RAB38: variants seen among roughly 807,000 people sequenced by gnomAD.
RAB38 encodes the protein RAB38, member RAS oncogene family, also known as ras-related protein Rab-38.
RAB38 carries 15 observed loss-of-function variants against 18.4 expected under a neutral mutation model. The observed-to-expected ratio is 0.82, with a 90% CI of 0.55 to 1.26. The LOEUF (loss-of-function observed/expected upper bound fraction) is 1.26, where lower values mean the gene tolerates loss of function less well. Among genes scored for constraint, RAB38 ranks in the 50% most tolerant of loss-of-function variants. RAB38 has a pLI of 0.00. For synonymous variants in RAB38, 101 were observed against 104.4 expected, an observed-to-expected ratio of 0.97 and a Z score of 0.20; for missense variants, 294 against 267.4, an observed-to-expected ratio of 1.10 and a Z score of -0.69.
At chr11:88,174,993 A>G (rs1943365625) in intron 1 of RAB38, among the ~76,000 whole-genome samples, 190 bp downstream of exon 1, 2 of 152,242 alleles carry the variant, frequency 1.3e-5, no homozygotes, top group Non-Finnish European at 2.9e-5. Flanking sequence ...AATAGCCCAA[A>G]AGCGCCAGGG....
the RAB38 span, among the ~76,000 whole-genome samples, chr11:87,843,943 A>G: frequency 6.6e-6 from 1 of 152,188 alleles, no homozygotes; most frequent in Non-Finnish European, 1.5e-5. Flanking sequence ...AAAAAACTAG[A>G]CAATCCTGGA....
the RAB38 span, among the ~76,000 whole-genome samples, chr11:88,038,415 G>A: frequency 1.3e-5 from 2 of 152,218 alleles, no homozygotes; most frequent in Admixed American, 6.5e-5. Flanking sequence ...TCTCCATAAT[G>A]TTTGCTTATC....
the RAB38 span, among the ~76,000 whole-genome samples, chr11:88,088,205 C>T: frequency 2.0e-5 from 3 of 151,896 alleles, no homozygotes; most frequent in South Asian, 6.2e-4. Flanking sequence ...AAGTAAATTG[C>T]AATTAGGCAG....
chr11:87,965,236 C>T, the RAB38 span, among the ~76,000 whole-genome samples: 21 of 149,912 alleles, frequency 1.4e-4, no homozygotes, highest in Non-Finnish European at 2.7e-4. Flanking sequence ...AACTATGCCA[C>T]AACTATTAGT....
At chr11:87,867,461 A>C in the RAB38 span, among the ~76,000 whole-genome samples, 1 of 151,776 alleles carries the variant, frequency 6.6e-6, no homozygotes, top group Admixed American at 6.6e-5. Flanking sequence ...TTTAGCTAAA[A>C]ACCAAATCTA....
chr11:88,035,038 A>G, the RAB38 span, among the ~76,000 whole-genome samples: 1 of 152,116 alleles, frequency 6.6e-6, no homozygotes, highest in Non-Finnish European at 1.5e-5. Context: ...TGTGTAGTGG[A>G]CCTCACTAGG....
the RAB38 span, among the ~76,000 whole-genome samples, chr11:87,835,880 A>G: frequency 7.2e-3 from 1,091 of 152,302 alleles, 6 homozygotes; most frequent in Middle Eastern, 0.058. Flanking sequence ...TACAAATATG[A>G]AGGAGATTCA....
chr11:87,950,696 G>C, the RAB38 span, among the ~76,000 whole-genome samples: 1 of 152,144 alleles, frequency 6.6e-6, no homozygotes, highest in Non-Finnish European at 1.5e-5. Context: ...TTTTCTTTAA[G>C]AATCTTGAAT....
the RAB38 span, among the ~76,000 whole-genome samples, chr11:87,906,003 C>T: frequency 6.6e-6 from 1 of 151,988 alleles, no homozygotes; most frequent in Non-Finnish European, 1.5e-5. Flanking sequence ...CTATGGGTGC[C>T]TCAGAGCTGA....
At chr11:87,872,404 T>C in the RAB38 span, among the ~76,000 whole-genome samples, 2 of 151,550 alleles carry the variant, frequency 1.3e-5, no homozygotes, top group Non-Finnish European at 3.0e-5. Flanking sequence ...ATCAACATCC[T>C]GCACCTGGGT....
downstream of RAB38, among the ~76,000 whole-genome samples, chr11:88,110,139 C>A (rs551298125): frequency 3.3e-5 from 5 of 152,214 alleles, no homozygotes; most frequent in African/African-American, 1.2e-4. Context: ...CAATGATAGA[C>A]TGGATAAAGA....
At chr11:87,904,111 G>A in the RAB38 span, among the ~76,000 whole-genome samples, 45,739 of 151,314 alleles carry the variant, frequency 0.3, 8,723 homozygotes, top group African/African-American at 0.55. Context: ...TTCAACTTTG[G>A]TTTTATATTC....
the RAB38 span, among the ~76,000 whole-genome samples, chr11:87,910,952 C>T: frequency 6.6e-6 from 1 of 152,012 alleles, no homozygotes; most frequent in Non-Finnish European, 1.5e-5. Flanking sequence ...TTCACTTTTA[C>T]GTGGTATGGG....
At chr11:88,090,919 G>T in the RAB38 span, among the ~76,000 whole-genome samples, 1 of 151,902 alleles carries the variant, frequency 6.6e-6, no homozygotes, top group African/African-American at 2.4e-5. Flanking sequence ...AACATAACAA[G>T]GGCCTTTCAC....
At chr11:87,816,919 G>A in the RAB38 span, 1 of 152,046 alleles carries the variant, frequency 6.6e-6, no homozygotes, top group Non-Finnish European at 1.5e-5. Context: ...AAAGTTTGAA[G>A]ACCACTGTGC....
At chr11:88,056,831 AAATACATACATAC>A in the RAB38 span, among the ~76,000 whole-genome samples, 1 of 43,748 alleles carries the variant, frequency 2.3e-5, no homozygotes, top group Non-Finnish European at 7.7e-5. Context: ...ATAAATAAAT[AAATACATACATAC>A]ATACATACAT....
chr11:87,958,963 G>T, the RAB38 span, among the ~76,000 whole-genome samples: 2 of 152,012 alleles, frequency 1.3e-5, no homozygotes, highest in African/African-American at 4.8e-5. Context: ...TTCACCACAG[G>T]CCTCCAATTT....
At chr11:87,865,297 C>G in the RAB38 span, among the ~76,000 whole-genome samples, 1 of 151,592 alleles carries the variant, frequency 6.6e-6, no homozygotes, top group South Asian at 2.1e-4. Context: ...GCTGGATTAT[C>G]CAGGTGGTCT....
the RAB38 span, among the ~76,000 whole-genome samples, chr11:87,900,597 C>T: frequency 6.6e-6 from 1 of 151,258 alleles, no homozygotes; most frequent in South Asian, 2.1e-4. Context: ...ACTCAATGTT[C>T]CCAATATTAA....
Sources: gnomAD v4.1 joint callset for allele counts (sites outside exome capture counted in the v4.1 genomes callset) on GRCh38, gnomAD v4.1.1 for gene constraint, MANE v1.5 for transcripts, NCBI Gene and HGNC (gene_info 2026-07-23, HGNC 2026-07-21) for gene names.